DLEC1: variants seen among roughly 807,000 people sequenced by gnomAD.
DLEC1 encodes the protein deleted in lung and esophageal cancer protein 1.
DLEC1 carries 146 observed loss-of-function variants against 198.1 expected under a neutral mutation model. That is an observed-to-expected ratio of 0.74 (90% CI 0.64 to 0.85). DLEC1 has a LOEUF of 0.85. DLEC1 is among the 40% of genes least tolerant of loss of function. The pLI is 0.00. For missense variants in DLEC1, 2,233 were observed against 2,220.0 expected, an observed-to-expected ratio of 1.01 and a Z score of -0.12; for synonymous variants, 897 against 866.8, an observed-to-expected ratio of 1.03 and a Z score of -0.61.
At chr3:38,083,282 G>A (rs576995597) in intron 6 of DLEC1, among the ~76,000 whole-genome samples, 81 of 151,328 alleles carry the variant, frequency 5.4e-4, no homozygotes, top group African/African-American at 1.9e-3. Flanking sequence ...GAGAGTCAGC[G>A]AAGGGAGATG....
At chr3:38,051,602 G>A (rs910397186) in intron 2 of DLEC1, among the ~76,000 whole-genome samples, 6 of 152,214 alleles carry the variant, frequency 3.9e-5, no homozygotes, top group Non-Finnish European at 7.3e-5. Context: ...TTACTCTGGA[G>A]ATCCTGTGGC....
intron 34 of DLEC1, 115 bp from the exon 35 acceptor site, chr3:38,121,513 A>G: frequency 7.3e-7 from 1 of 1,370,324 alleles, no homozygotes. Context: ...AACTTCTGGG[A>G]GCTTCCCGTT....
chr3:38,121,286 C>T (rs980715251), intron 34 of DLEC1, among the ~76,000 whole-genome samples: 2 of 152,168 alleles, frequency 1.3e-5, no homozygotes, highest in Admixed American at 6.5e-5. Flanking sequence ...GACAAATGGT[C>T]CACGGCTGAG....
At chr3:38,060,426 A>G (rs957640848) in intron 3 of DLEC1, among the ~76,000 whole-genome samples, 5 of 152,164 alleles carry the variant, frequency 3.3e-5, no homozygotes, top group Admixed American at 3.3e-4. Context: ...ACACGTGGAC[A>G]GGGAGAAGTC....
At chr3:38,096,444 C>T (rs951769843) in intron 14 of DLEC1, 125 bp from the exon 15 acceptor site, 2 of 1,145,088 alleles carry the variant, frequency 1.7e-6, no homozygotes, top group South Asian at 1.5e-5. Flanking sequence ...ATTTAGGGGG[C>T]TCAGGAGCTG....
intron 24 of DLEC1, among the ~76,000 whole-genome samples, 153 bp downstream of exon 24, chr3:38,111,900 G>A (rs1046051792): frequency 2.0e-5 from 3 of 152,194 alleles, no homozygotes; most frequent in Non-Finnish European, 4.4e-5. Context: ...GCCTCTTCCT[G>A]TTGAGGCCAC....
chr3:38,039,218 C>G lies in DLEC1; in HGVS notation c.-8C>G. ...GTGCCGCAGGGAGTTAGCGGCGTCT[C>G]GGTTGCCATGGAGACCAGGAGCTCC... On this transcript the variant is annotated 5_prime_UTR_variant, in exon 1 of 37. Coordinates refer to ENST00000308059, the MANE Select transcript of DLEC1 (RefSeq NM_007335.4). The G allele has an allele frequency of 1.3e-6, 2 of 1,588,584 alleles. No homozygotes were observed. Among genetic ancestry groups the G allele is most frequent in the South Asian group, 2.3e-5 (2 of 88,114 alleles).
rs779730343 is a variant in DLEC1 at position 38,063,939 on chromosome 3, A to G, written c.1173+20A>G. On this transcript the variant is annotated intron_variant, in intron 6 of 36. Transcript: ENST00000308059. ...TATGAGGTAGACATCTTGTTTCTTT[A>G]CAGCTCCCACCCCATCTGCTTTCTT... 3 of 1,540,884 alleles carry G rather than the reference A, an allele frequency of 1.9e-6. No individual in the cohort carries two copies. In the South Asian group the frequency reaches 3.4e-5, roughly 17 times the overall value.
At chr3:38,078,885 G>T (rs528789901) in intron 6 of DLEC1, among the ~76,000 whole-genome samples, 2 of 152,342 alleles carry the variant, frequency 1.3e-5, no homozygotes, top group South Asian at 4.1e-4. Context: ...GAACTAACTT[G>T]TAAGGCTTGT....
intron 18 of DLEC1, among the ~76,000 whole-genome samples, chr3:38,098,251 C>T (rs1037667744): frequency 6.6e-6 from 1 of 152,292 alleles, no homozygotes; most frequent in East Asian, 1.9e-4. Context: ...CAGCCGCATT[C>T]CCACCTCCTC....
At chr3:38,082,482 C>G (rs1372113873) in intron 6 of DLEC1, among the ~76,000 whole-genome samples, 2 of 152,128 alleles carry the variant, frequency 1.3e-5, no homozygotes, top group African/African-American at 2.4e-5. Flanking sequence ...GGGCCCGTCC[C>G]GGTTCGGGTG....
chr3:38,087,292 C>T (rs1698509602), intron 9 of DLEC1, among the ~76,000 whole-genome samples: 3 of 139,840 alleles, frequency 2.1e-5, no homozygotes, highest in Non-Finnish European at 4.9e-5. Context: ...CATCCATCAG[C>T]ACTGACACCA....
Position 38,110,286 on chromosome 3 carries a change from G to T in DLEC1, c.3443+5G>T. The T allele has an allele frequency of 1.2e-6, 2 of 1,614,040 alleles. No homozygotes were observed. The highest frequency in any genetic ancestry group is 2.2e-5 in the South Asian group (2 of 91,088). ...CCTGAGCAAAAAGACCAGCCTGTAAGTCTTGCTTCTTTCACTTCCCAGGGC... is the reference window on the plus strand; with the variant it reads ...CCTGAGCAAAAAGACCAGCCTGTAATTCTTGCTTCTTTCACTTCCCAGGGC... On this transcript the variant is annotated splice_donor_5th_base_variant and intron_variant, in intron 23 of 36. Transcript: ENST00000308059.
chr3:38,090,532 T>C (rs1255814467), intron 10 of DLEC1, among the ~76,000 whole-genome samples: 1 of 152,242 alleles, frequency 6.6e-6, no homozygotes, highest in African/African-American at 2.4e-5. Flanking sequence ...CTCCTGCTGA[T>C]TGACCTGAAG....
rs1341209851 is a variant in DLEC1, at chr3:38,095,906, G to A, written c.2131G>A (p.Val711Met). Residue 711 changes from valine to methionine, a missense_variant, in exon 14 of 37, where the codon GTG (valine) becomes ATG (methionine). Coordinates refer to ENST00000308059, the MANE Select transcript of DLEC1 (RefSeq NM_007335.4). ...CTTGCAGCTGAGGGATTTTCACAGT[G>A]TGCTCCAGATGGTGCTAGAGGAAGT... The part of the protein sequence containing the change: ...SPHELRDFHS[V>M]LQMVLEEVPE... The A allele has an allele frequency of 1.2e-6, 2 of 1,613,896 alleles. No homozygotes were observed. The highest frequency in any genetic ancestry group is 8.5e-7 in the Non-Finnish European group (1 of 1,179,994).
At position 38,122,334 on chromosome 3, in the gene DLEC1, C is replaced by A. The variant is rs760984380; in HGVS notation, c.5190C>A (p.Leu1730=). ...YESTMVVEGV[L]GEKSCTLRLR... is the part of the protein sequence containing the mutation. ...CCACGATGGTGGTGGAAGGTGTGCT[C>A]GGTGAGAAGTCCTGCACCCTGCGGC... is the stretch of plus-strand genomic sequence containing the variant. The change falls in exon 37 of 37, where the codon CTC becomes CTA. Residue 1730 remains leucine (L), a synonymous_variant. Transcript: ENST00000308059. The A allele has an allele frequency of 1.2e-6, 2 of 1,614,012 alleles. No individual in the cohort carries two copies. The highest frequency in any genetic ancestry group is 2.2e-5 in the East Asian group (1 of 44,874).
At position 38,117,102 on chromosome 3, in the gene DLEC1, T is replaced by A; in HGVS notation, c.4305+2T>A. ...GGTTTCATGAGCTTGGACAGCAAGG[T>A]GAGCTCTTCCGGCCTGGGGTGGGGG... On this transcript the variant is annotated splice_donor_variant, in intron 30 of 36. Transcript: ENST00000308059. LOFTEE classifies it high-confidence loss of function. 6 of 1,613,978 alleles carry A rather than the reference T, an allele frequency of 3.7e-6. No homozygotes were observed. The highest frequency in any genetic ancestry group is 4.2e-6 in the Non-Finnish European group (5 of 1,179,946).
intron 10 of DLEC1, among the ~76,000 whole-genome samples, chr3:38,089,047 T>C (rs1241030065): frequency 6.6e-6 from 1 of 152,184 alleles, no homozygotes; most frequent in Non-Finnish European, 1.5e-5. Context: ...CTCCACTTCA[T>C]GTGACTGGGT....
intron 35 of DLEC1, 82 bp from the exon 36 acceptor site, chr3:38,121,989 A>T: frequency 6.3e-7 from 1 of 1,575,540 alleles, no homozygotes; most frequent in Non-Finnish European, 8.6e-7. Context: ...CCAGAGGTAC[A>T]GGCCCGGGGG....
Sources: gnomAD v4.1 joint callset for allele counts (sites outside exome capture counted in the v4.1 genomes callset) on GRCh38, gnomAD v4.1.1 for gene constraint, MANE v1.5 for transcripts, NCBI Gene and HGNC (gene_info 2026-07-23, HGNC 2026-07-21) for gene names.